The following WDPCP variants were observed in gnomAD, a reference collection of about 807,000 sequenced individuals.
WDPCP encodes the protein WD repeat-containing and planar cell polarity effector protein fritz homolog.
WDPCP carries 71 observed loss-of-function variants against 93.1 expected under a neutral mutation model. The ratio of observed to expected loss-of-function variants is 0.76; its 90% CI spans 0.63 to 0.93. The LOEUF is 0.93. WDPCP is among the 40% of genes least tolerant of loss of function. The pLI, the probability that WDPCP is intolerant of heterozygous loss-of-function variation, is 0.00. For missense variants in WDPCP, 844 were observed against 887.4 expected, an observed-to-expected ratio of 0.95 and a Z score of 0.62; for synonymous variants, 315 against 315.0, an observed-to-expected ratio of 1.00 and a Z score of 0.00.
intron 3 of WDPCP, among the ~76,000 whole-genome samples, chr2:63,635,234 T>C (rs1281488161): frequency 6.6e-6 from 1 of 151,754 alleles, no homozygotes; most frequent in Non-Finnish European, 1.5e-5. Context: ...TAATCAAAAA[T>C]CTCCCAAAAA....
In WDPCP at chr2:63,382,068, G is replaced by C. The variant is rs1422417437; in HGVS notation, c.1462C>G (p.Leu488Val). 2.5e-6 allele frequency: 4 copies of C among 1,613,136 alleles called. No homozygotes were observed. The East Asian group carries it at 8.9e-5, about 36-fold the overall frequency. Residue 488 changes from leucine (L) to valine (V), a missense_variant, in exon 11 of 18, where the codon CTG becomes GTG. By Grantham distance (32) the Leu-to-Val change is conservative (BLOSUM62 1). Coordinates refer to ENST00000272321, the MANE Select transcript of WDPCP (RefSeq NM_015910.7). ...ATGTACTGGAAGATGATGTCTATCAGGCCCAGCTGTCCTCGAGTGAAGACG... is the reference window on the plus strand; with the variant it reads ...ATGTACTGGAAGATGATGTCTATCACGCCCAGCTGTCCTCGAGTGAAGACG... ...LGVFTRGQLG[L>V]IDIIFQYIHC... is the part of the protein sequence containing the mutation.
chr2:63,802,606 T>G (rs1245803144), intron 2 of WDPCP, among the ~76,000 whole-genome samples: 1 of 152,194 alleles, frequency 6.6e-6, no homozygotes, highest in East Asian at 1.9e-4. Flanking sequence ...GAACATTTCC[T>G]ACAGATGATG....
At chr2:63,220,232 A>G (rs1236458598) in intron 14 of WDPCP, among the ~76,000 whole-genome samples, 1 of 152,146 alleles carries the variant, frequency 6.6e-6, no homozygotes, top group East Asian at 1.9e-4. Context: ...CATTATCATC[A>G]ATTTCAGAGC....
chr2:63,490,187 T>G (rs1429019585), intron 2 of WDPCP, among the ~76,000 whole-genome samples: 3 of 151,162 alleles, frequency 2.0e-5, no homozygotes, highest in Admixed American at 6.6e-5. Context: ...TATGTTACTG[T>G]GAACAAAAAT....
At chr2:63,664,760 A>G (rs1178209293) in intron 2 of WDPCP, among the ~76,000 whole-genome samples, 1 of 152,244 alleles carries the variant, frequency 6.6e-6, no homozygotes, top group African/African-American at 2.4e-5. Context: ...ATAGCAAGTT[A>G]GTTGAGCACC....
intron 14 of WDPCP, among the ~76,000 whole-genome samples, chr2:63,205,372 T>C (rs1239557434): frequency 6.6e-6 from 1 of 152,202 alleles, no homozygotes; most frequent in African/African-American, 2.4e-5. Flanking sequence ...AGGATGTCAG[T>C]GGTATTTTGA....
intron 11 of WDPCP, among the ~76,000 whole-genome samples, chr2:63,381,248 T>A (rs1407662669): frequency 6.6e-6 from 1 of 152,108 alleles, no homozygotes; most frequent in Non-Finnish European, 1.5e-5. Context: ...TTATTGTATG[T>A]GTCACAGCAT....
At chr2:63,704,388 G>A (rs1669114581) in intron 2 of WDPCP, among the ~76,000 whole-genome samples, 1 of 152,170 alleles carries the variant, frequency 6.6e-6, no homozygotes, top group Non-Finnish European at 1.5e-5. Flanking sequence ...AGTTTTCAAA[G>A]GGAATGCTTC....
At chr2:63,256,224 T>C (rs1159067551) in intron 14 of WDPCP, among the ~76,000 whole-genome samples, 12 of 152,130 alleles carry the variant, frequency 7.9e-5, no homozygotes, top group Admixed American at 7.2e-4. Context: ...TATGGAAGGA[T>C]AGCCAAGTCT....
intron 6 of WDPCP, among the ~76,000 whole-genome samples, chr2:63,483,990 T>C (rs1404007084): frequency 6.6e-6 from 1 of 151,968 alleles, no homozygotes; most frequent in African/African-American, 2.4e-5. Flanking sequence ...GATGGAAATG[T>C]TCTGTATCTG....
At chr2:63,406,533 CT>C (rs1201110394) in intron 9 of WDPCP, among the ~76,000 whole-genome samples, 1 of 152,092 alleles carries the variant, frequency 6.6e-6, no homozygotes. Flanking sequence ...CTGACACCCC[CT>C]ATAACAAAAG....
At chr2:63,464,885 AG>A (rs764375652) in intron 6 of WDPCP, among the ~76,000 whole-genome samples, 1 of 151,852 alleles carries the variant, frequency 6.6e-6, no homozygotes, top group Non-Finnish European at 1.5e-5. Context: ...GGTTGAGGGG[AG>A]GGGGAAAAGG....
At chr2:63,676,413 T>A (rs150763092) in intron 2 of WDPCP, among the ~76,000 whole-genome samples, 1 of 152,294 alleles carries the variant, frequency 6.6e-6, no homozygotes, top group East Asian at 1.9e-4. Flanking sequence ...AAGGCTATGA[T>A]CTAAGAGTAA....
At chr2:63,206,891 A>C (rs1348654032) in intron 14 of WDPCP, among the ~76,000 whole-genome samples, 1 of 152,210 alleles carries the variant, frequency 6.6e-6, no homozygotes, top group Non-Finnish European at 1.5e-5. Context: ...TGAATACTTC[A>C]GTAGTGTTGA....
At chr2:63,614,971 C>T (rs1709657072) in intron 3 of WDPCP, among the ~76,000 whole-genome samples, 1 of 152,206 alleles carries the variant, frequency 6.6e-6, no homozygotes, top group Non-Finnish European at 1.5e-5. Flanking sequence ...TCCCGTATCA[C>T]ATAAAACTTT....
rs760367002 is a variant in WDPCP at position 63,774,742 on chromosome 2, GCTT to G, written n.308+38877_308+38879del. 9.2e-5 allele frequency among the ~76,000 whole-genome samples: 14 copies of G among 152,168 alleles called. No homozygotes were observed. In the East Asian group the frequency reaches 1.4e-3, roughly 15 times the overall value. On this transcript the variant is annotated intron_variant and non_coding_transcript_variant, in intron 2 of 4. Coordinates refer to the WDPCP transcript ENST00000467687. Reference sequence around the variant, plus strand: ...AGAGTCATTTTCAAGTTCTTCTTCAGCTTCTTCAAGTCATTCTTGAATCCCCAC... The same window carrying G: ...AGAGTCATTTTCAAGTTCTTCTTCAGCTTCAAGTCATTCTTGAATCCCCAC...
At chr2:63,265,615 C>A (rs1256466245) in intron 13 of WDPCP, among the ~76,000 whole-genome samples, 1 of 152,138 alleles carries the variant, frequency 6.6e-6, no homozygotes, top group African/African-American at 2.4e-5. Flanking sequence ...CAATCCTTCT[C>A]AAGCCCTTCC....
chr2:63,317,948 T>C (rs1330610447), intron 12 of WDPCP, among the ~76,000 whole-genome samples: 1 of 151,936 alleles, frequency 6.6e-6, no homozygotes, highest in Non-Finnish European at 1.5e-5. Context: ...AACTTCTGCA[T>C]AACAAAAGAA....
intron 12 of WDPCP, among the ~76,000 whole-genome samples, chr2:63,326,706 G>A (rs1160700879): frequency 6.6e-6 from 1 of 151,760 alleles, no homozygotes; most frequent in Non-Finnish European, 1.5e-5. Context: ...GAAGGAGACA[G>A]ACAGAAAGTC....
Sources: allele counts gnomAD v4.1 joint callset (sites outside exome capture counted in the v4.1 genomes callset), GRCh38; gene constraint gnomAD v4.1.1; transcripts MANE v1.5; gene names NCBI Gene and HGNC (gene_info 2026-07-23, HGNC 2026-07-21).